LMCD1: variants seen among roughly 807,000 people sequenced by gnomAD.
LMCD1 encodes the protein LIM and cysteine rich domains 1, also known as LIM and cysteine-rich domains protein 1.
In LMCD1, 32 loss-of-function variants were observed where a neutral mutation model predicts 42.7. The ratio of observed to expected loss-of-function variants is 0.75; its 90% CI spans 0.57 to 1.01. LMCD1 has a LOEUF of 1.01. Among genes scored for constraint, LMCD1 ranks in the 50% least tolerant of loss-of-function variants. The probability of loss-of-function intolerance (pLI) is 0.00; values close to 1 mark genes in which losing one functional copy is unlikely to be tolerated. For synonymous variants in LMCD1, 178 were observed against 184.9 expected (o/e 0.96, Z 0.30); for missense variants, 458 against 483.1 (o/e 0.95, Z 0.49).
At chr3:8,558,646 A>G (rs1188903039) in intron 4 of LMCD1, among the ~76,000 whole-genome samples, 4 of 152,216 alleles carry the variant, frequency 2.6e-5, no homozygotes, top group Non-Finnish European at 4.4e-5. Flanking sequence ...CATAGTCCCA[A>G]AGAACTTCCA....
intron 1 of LMCD1, among the ~76,000 whole-genome samples, chr3:8,527,512 C>T (rs1694323235): frequency 1.3e-5 from 2 of 152,156 alleles, no homozygotes; most frequent in Admixed American, 1.3e-4. Flanking sequence ...AATACAATTC[C>T]AGTCCTTTCC....
intron 2 of LMCD1, 88 bp from the exon 3 acceptor site, chr3:8,537,097 C>A: frequency 6.9e-7 from 1 of 1,443,926 alleles, no homozygotes; most frequent in Non-Finnish European, 9.3e-7. Context: ...TTTTAGCTTG[C>A]TTTCAAAAGG....
At chr3:8,502,015 T>C in intron 1 of LMCD1, 35 bp downstream of exon 1, 1 of 1,437,356 alleles carries the variant, frequency 7.0e-7, no homozygotes, top group South Asian at 1.2e-5. Flanking sequence ...ACCCAGATTC[T>C]TACTTTTTCT....
intron 3 of LMCD1, among the ~76,000 whole-genome samples, chr3:8,546,150 CAAAA>C (rs368675496): frequency 1.3e-5 from 2 of 150,260 alleles, no homozygotes; most frequent in Non-Finnish European, 1.5e-5. Context: ...CAAAACAAAA[CAAAA>C]AAAAAGAGAA....
chr3:8,522,283 T>G (rs992855825), intron 1 of LMCD1, among the ~76,000 whole-genome samples: 1 of 152,098 alleles, frequency 6.6e-6, no homozygotes, highest in African/African-American at 2.4e-5. Context: ...GCTACACAAG[T>G]GATTACAAGC....
At chr3:8,554,055 T>A (rs1694887031) in intron 4 of LMCD1, among the ~76,000 whole-genome samples, 1 of 152,162 alleles carries the variant, frequency 6.6e-6, no homozygotes, top group African/African-American at 2.4e-5. Flanking sequence ...TTATTTTTAT[T>A]TTTTTAGATA....
At chr3:8,529,705 A>G (rs545892701) in intron 1 of LMCD1, among the ~76,000 whole-genome samples, 66 of 152,334 alleles carry the variant, frequency 4.3e-4, no homozygotes, top group Middle Eastern at 3.4e-3. Context: ...TCAAAAAAGT[A>G]GAGAATAAGA....
At chr3:8,559,415 AC>A (rs1463493570) in intron 4 of LMCD1, among the ~76,000 whole-genome samples, 1 of 120,676 alleles carries the variant, frequency 8.3e-6, no homozygotes, top group East Asian at 2.1e-4. Flanking sequence ...ATGTCATTTA[AC>A]TCACACCACA....
rs981056329 is a variant in LMCD1, at chr3:8,569,355, A to T, written c.*1757A>T. The T allele has an allele frequency of 1.3e-5, 2 of 152,208 alleles. No individual in the cohort carries two copies. The highest frequency in any genetic ancestry group is 4.8e-5 in the African/African-American group (2 of 41,432). 9.4% of individuals were successfully genotyped at this position (152,208 alleles called of 1,614,324 possible). On this transcript the variant is annotated 3_prime_UTR_variant, in exon 6 of 6. Coordinates refer to ENST00000157600, the MANE Select transcript of LMCD1 (RefSeq NM_014583.4). ...ATCCTATAAGGTGCTTCTCAAGCAT[A>T]ACCTGCTTCTCTGGCACTTTCCTGA...
chr3:8,567,008 G>A (rs1042633626), intron 5 of LMCD1, among the ~76,000 whole-genome samples: 2 of 152,148 alleles, frequency 1.3e-5, no homozygotes, highest in African/African-American at 4.8e-5. Context: ...GAGCCTCAGG[G>A]GATCCTTACA....
chr3:8,552,494 G>C (rs1167925651), intron 4 of LMCD1, among the ~76,000 whole-genome samples: 3 of 152,120 alleles, frequency 2.0e-5, no homozygotes, highest in Non-Finnish European at 4.4e-5. Context: ...CAGAAGGCTG[G>C]GTCCCCTTCC....
In LMCD1 at chr3:8,571,708, A is replaced by C. The variant is rs567296926; in HGVS notation, c.*4110A>C. On this transcript the variant is annotated 3_prime_UTR_variant, in exon 6 of 6. Transcript: ENST00000157600. Reference sequence around the variant, plus strand: ...TACCAGCCAGTGGGGCTTCCGCCTTAGGAGGGTCTTAGAAAAGTGTTTTTC... The same window carrying C: ...TACCAGCCAGTGGGGCTTCCGCCTTCGGAGGGTCTTAGAAAAGTGTTTTTC... 3 of 152,372 alleles carry C rather than the reference A, an allele frequency of 2.0e-5. No individual in the cohort carries two copies. The South Asian group carries it at 6.2e-4, about 32-fold the overall frequency. 9.4% of individuals were successfully genotyped at this position (152,372 alleles called of 1,614,324 possible). A position where few individuals can be genotyped will look rare whatever the true frequency, so the allele number is the denominator to read the frequency against.
intron 4 of LMCD1, among the ~76,000 whole-genome samples, chr3:8,561,466 T>C (rs1463443377): frequency 1.3e-5 from 2 of 152,178 alleles, no homozygotes. Flanking sequence ...TTCACTGAAT[T>C]GGAGGGCAAA....
intron 4 of LMCD1, chr3:8,549,986 CT>C: frequency 1.4e-6 from 2 of 1,463,480 alleles, no homozygotes; most frequent in Non-Finnish European, 1.8e-6. Flanking sequence ...GGCCCCACCT[CT>C]CAATACTGCC....
intron 1 of LMCD1, among the ~76,000 whole-genome samples, chr3:8,505,916 A>G (rs1693870825): frequency 1.3e-5 from 2 of 152,236 alleles, no homozygotes; most frequent in South Asian, 2.1e-4. Context: ...GGCTCTCTCA[A>G]TCTTAAAAAC....
At chr3:8,538,241 C>T (rs1045635792) in intron 3 of LMCD1, among the ~76,000 whole-genome samples, 1 of 152,172 alleles carries the variant, frequency 6.6e-6, no homozygotes, top group Non-Finnish European at 1.5e-5. Context: ...ACCTGGGGAG[C>T]TCATCAGAAT....
chr3:8,548,425 G>C (rs1694777501), intron 3 of LMCD1, 143 bp from the exon 4 acceptor site: 2 of 506,194 alleles, frequency 4.0e-6, no homozygotes, highest in Admixed American at 7.7e-5. Flanking sequence ...ATTAAGTTAA[G>C]AAAATAAAGA....
chr3:8,533,617 T>C (rs1390354687), intron 2 of LMCD1, among the ~76,000 whole-genome samples: 2 of 152,238 alleles, frequency 1.3e-5, no homozygotes, highest in African/African-American at 2.4e-5. Context: ...GCAGCAATAC[T>C]GACTTCCATT....
rs778716377 is a variant in LMCD1, at chr3:8,565,497, C to G, written c.789C>G (p.Gly263=). 3 of 1,614,110 alleles carry G rather than the reference C, an allele frequency of 1.9e-6. No individual in the cohort carries two copies. Among genetic ancestry groups the G allele is most frequent in the Non-Finnish European group, 2.5e-6 (3 of 1,180,048 alleles). The change falls in exon 5 of 6, where the codon GGC becomes GGG. Residue 263 remains glycine, a synonymous_variant. Transcript: ENST00000157600. ...DSPVVYSDRA[G]YNKQWHPTCF... ...CCGTGGTCTACTCGGACAGGGCAGG[C>G]TACAACAAGCAGTGGCACCCCACCT...
Sources: allele counts gnomAD v4.1 joint callset (sites outside exome capture counted in the v4.1 genomes callset), GRCh38; gene constraint gnomAD v4.1.1; transcripts MANE v1.5; gene names NCBI Gene and HGNC (gene_info 2026-07-23, HGNC 2026-07-21).